MAP7D3: variants seen among roughly 807,000 people sequenced by gnomAD.
MAP7D3 encodes MAP7 domain containing 3.
Under a neutral mutation model 62.2 loss-of-function variants are expected in MAP7D3, and 45 were observed. The ratio of observed to expected loss-of-function variants is 0.72; its 90% CI spans 0.57 to 0.93. MAP7D3 has a LOEUF of 0.93. Among genes scored for constraint, MAP7D3 ranks in the 40% least tolerant of loss-of-function variants. The pLI is 0.00. For synonymous variants in MAP7D3, 288 were observed against 248.8 expected, an observed-to-expected ratio of 1.16 and a Z score of -1.48; for missense variants, 711 against 683.1, an observed-to-expected ratio of 1.04 and a Z score of -0.45.
At chrX:136,231,343 G>C (rs367630360) in intron 8 of MAP7D3, among the ~76,000 whole-genome samples, 1 of 111,642 alleles carries the variant, frequency 9.0e-6, no homozygotes, top group East Asian at 2.8e-4. Context: ...TAATATTTCA[G>C]CTTTGGAGGA....
chrX:136,236,180 C>A, intron 7 of MAP7D3, 64 bp downstream of exon 7: 3 of 690,658 alleles, frequency 4.3e-6, no homozygotes, highest in Non-Finnish European at 6.5e-6. Context: ...TCAAGCAATT[C>A]AATGTTGACA....
At chrX:136,214,535 A>G (rs749737015), downstream of MAP7D3, 30 of 111,975 alleles carry the variant, frequency 2.7e-4, no homozygotes, top group African/African-American at 9.4e-4. Flanking sequence ...AAGGCTGCAG[A>G]GATTGTAGCA....
chrX:136,249,471 T>A (rs762659367), intron 1 of MAP7D3, among the ~76,000 whole-genome samples: 7 of 112,598 alleles, frequency 6.2e-5, no homozygotes, highest in African/African-American at 2.3e-4. Flanking sequence ...TTTTGTTAAA[T>A]ATTTGGTATG....
At chrX:136,218,519 A>G (rs2074085627) in intron 18 of MAP7D3, 26 bp from the exon 19 acceptor site, 1 of 111,540 alleles carries the variant, frequency 9.0e-6, no homozygotes, top group African/African-American at 3.3e-5. Context: ...AGTAAAAGAA[A>G]GATCAGTAGA....
chrX:136,246,177 T>C (rs368764091), intron 2 of MAP7D3, 29 bp from the exon 3 acceptor site: 3 of 1,122,076 alleles, frequency 2.7e-6, no homozygotes, highest in Non-Finnish European at 3.7e-6. Context: ...AGTTAGATAT[T>C]AATAGGATAT....
intron 7 of MAP7D3, among the ~76,000 whole-genome samples, chrX:136,234,192 GA>G (rs767984161): frequency 2.8e-5 from 3 of 108,716 alleles, no homozygotes; most frequent in Admixed American, 2.0e-4. Context: ...GGAAAAAAAA[GA>G]AAAAAAATCA....
chrX:136,230,623 TAATTTTCAGTGTAC>T (rs1205318656), intron 9 of MAP7D3, 30 bp from the exon 10 acceptor site: 5 of 1,002,317 alleles, frequency 5.0e-6, no homozygotes, highest in East Asian at 6.1e-5. Context: ...ATTTGCTAAT[TAATTTTCAGTGTAC>T]AATTTCATAA....
At chrX:136,222,581 C>A in intron 14 of MAP7D3, 95 bp from the exon 15 acceptor site, 1 of 686,498 alleles carries the variant, frequency 1.5e-6, no homozygotes, top group Non-Finnish European at 2.2e-6. Flanking sequence ...GGACTGATGG[C>A]TAATTTTTGT....
chrX:136,222,260 T>C (rs1339717663), intron 15 of MAP7D3, 133 bp downstream of exon 15: 1 of 449,648 alleles, frequency 2.2e-6, no homozygotes, highest in East Asian at 3.6e-5. Context: ...AAAAGGACAT[T>C]AGCTTCCCCT....
In MAP7D3 at chrX:136,246,190, A is replaced by G. The variant is rs770187607; in HGVS notation, c.170-42T>C. 4.4e-6 allele frequency: 5 copies of G among 1,130,416 alleles called. No individual in the cohort carries two copies. The Admixed American group carries it at 1.1e-4, about 25-fold the overall frequency. 93.2% of individuals were successfully genotyped at this position (1,130,416 alleles called of 1,213,427 possible). A position where few individuals can be genotyped will look rare whatever the true frequency, so the allele number is the denominator to read the frequency against. ...ATAGTTAGATATTAATAGGATATCA[A>G]ATTTTAAAGATATGACACTTTGACA... On this transcript the variant is annotated intron_variant, in intron 2 of 18. Transcript: ENST00000316077.
chrX:136,256,056 C>T (rs781177154), upstream of MAP7D3: 198 of 750,053 alleles, frequency 2.6e-4, 2 homozygotes, highest in South Asian at 1.4e-3. Flanking sequence ...ACCAGCCATG[C>T]GATGGCTTTT....
downstream of MAP7D3, among the ~76,000 whole-genome samples, chrX:136,216,399 AAAGAAG>A (rs1317775024): frequency 9.6e-6 from 1 of 104,394 alleles, no homozygotes; most frequent in Non-Finnish European, 2.0e-5. Context: ...AGAGAAGAAG[AAAGAAG>A]AAGAAGAAGA....
At chrX:136,233,584 T>C (rs2074296315) in intron 7 of MAP7D3, among the ~76,000 whole-genome samples, 1 of 97,485 alleles carries the variant, frequency 1.0e-5, no homozygotes, top group Admixed American at 1.2e-4. Context: ...TAATTAAACA[T>C]TTTTCAAAAG....
intron 1 of MAP7D3, among the ~76,000 whole-genome samples, chrX:136,250,699 G>A (rs2074494677): frequency 8.9e-6 from 1 of 112,128 alleles, no homozygotes; most frequent in Non-Finnish European, 1.9e-5. Context: ...GACCGGGAGG[G>A]TGCAGGAGGT....
At chrX:136,234,850 C>T (rs959085840) in intron 7 of MAP7D3, among the ~76,000 whole-genome samples, 1 of 111,306 alleles carries the variant, frequency 9.0e-6, no homozygotes, top group Non-Finnish European at 1.9e-5. Context: ...ATATGAGCAA[C>T]GAGATATATG....
chrX:136,240,279 T>G (rs1354742271), intron 6 of MAP7D3, 103 bp downstream of exon 6: 1 of 502,444 alleles, frequency 2.0e-6, no homozygotes, highest in Non-Finnish European at 3.4e-6. Flanking sequence ...TCTTCTGAAA[T>G]AAACATAAAT....
chrX:136,240,437 A>G lies in MAP7D3; in HGVS notation c.585T>C (p.Ala195=). 8.3e-7 allele frequency: 1 copy of G among 1,208,101 alleles called. No individual in the cohort carries two copies. The highest frequency in any genetic ancestry group is 1.1e-6 in the Non-Finnish European group (1 of 892,139). The change falls in exon 6 of 19, where the codon GCT becomes GCC. Residue 195 remains alanine, a synonymous_variant. Transcript: ENST00000316077. ...STEKLEQGTS[A]LIRQMPLSSA... ...ATGACAAAGGCATTTGTCTGATTAAAGCAGAAGTACCCTGTTCAAGTTTTT... is the reference window on the plus strand; with the variant it reads ...ATGACAAAGGCATTTGTCTGATTAAGGCAGAAGTACCCTGTTCAAGTTTTT...
At chrX:136,216,375 A>G (rs1328120096), downstream of MAP7D3, among the ~76,000 whole-genome samples, 9 of 104,201 alleles carry the variant, frequency 8.6e-5, no homozygotes, top group South Asian at 4.3e-4. Context: ...AAAAAAAAAA[A>G]AAAAAAGAAA....
chrX:136,236,271 T>C lies in MAP7D3; in HGVS notation c.709A>G (p.Lys237Glu). 1 of 1,194,022 alleles carries C rather than the reference T, an allele frequency of 8.4e-7. No individual in the cohort carries two copies. Among genetic ancestry groups the C allele is most frequent in the Non-Finnish European group, 1.1e-6 (1 of 883,327 alleles). ...CGTGGCTTCCTTTCGGCTTGTTCTT[T>C]ATCAGTAGACGAATGTAGGTTACTA... ...RDSNLHSSTD[K>E]EQAERKPRVT... The change falls in exon 7 of 19, where the codon AAA (lysine) becomes GAA (glutamate). Residue 237 changes from lysine (K) to glutamate (E), a missense_variant. Lys to Glu is a moderately conservative substitution (Grantham distance 56). Coordinates refer to ENST00000316077, the MANE Select transcript of MAP7D3 (RefSeq NM_024597.4).
Sources: allele counts gnomAD v4.1 joint callset (sites outside exome capture counted in the v4.1 genomes callset), GRCh38; gene constraint gnomAD v4.1.1; transcripts MANE v1.5; gene names NCBI Gene and HGNC (gene_info 2026-07-23, HGNC 2026-07-21).